Variants in KANK1 observed in about 807,000 individuals in gnomAD.
KANK1 encodes KN motif and ankyrin repeat domains 1.
KANK1 carries 109 observed loss-of-function variants against 106.2 expected under a neutral mutation model. The observed-to-expected ratio is 1.03, with a 90% CI of 0.88 to 1.20. KANK1 has a LOEUF of 1.20. Among genes scored for constraint, KANK1 ranks in the 50% most tolerant of loss-of-function variants. The pLI is 0.00. For synonymous variants in KANK1, 873 were observed against 652.2 expected (o/e 1.34, Z -5.16); for missense variants, 2,399 against 1,710.7 (o/e 1.40, Z -7.10).
intron 1 of KANK1, among the ~76,000 whole-genome samples, chr9:514,108 C>G (rs1018244503): frequency 6.2e-5 from 9 of 145,808 alleles, no homozygotes; most frequent in African/African-American, 2.4e-4. Flanking sequence ...TACTCCCTCC[C>G]TCTCTTCCTC....
chr9:691,946 C>A (rs913636403), intron 2 of KANK1, among the ~76,000 whole-genome samples: 4 of 152,052 alleles, frequency 2.6e-5, no homozygotes, highest in African/African-American at 9.7e-5. Context: ...CCTTCTTCAC[C>A]TTTGTCTAAG....
intron 7 of KANK1, among the ~76,000 whole-genome samples, chr9:737,387 C>CTT (rs1329988396): frequency 3.3e-5 from 5 of 152,170 alleles, no homozygotes; most frequent in Non-Finnish European, 5.9e-5. Context: ...CATAGGCTGT[C>CTT]TTTCTTTGAT....
chr9:723,421 G>A (rs1373645283), intron 3 of KANK1, among the ~76,000 whole-genome samples: 3 of 152,116 alleles, frequency 2.0e-5, no homozygotes, highest in Non-Finnish European at 2.9e-5. Flanking sequence ...TTACACAGGC[G>A]TATACATCTA....
At chr9:510,176 A>G (rs1399758104) in intron 1 of KANK1, among the ~76,000 whole-genome samples, 1 of 152,124 alleles carries the variant, frequency 6.6e-6, no homozygotes, top group East Asian at 1.9e-4. Context: ...TTAAATTGCA[A>G]TTCTGAAAAT....
intron 1 of KANK1, among the ~76,000 whole-genome samples, chr9:512,067 T>A (rs1346967347): frequency 6.6e-6 from 1 of 152,162 alleles, no homozygotes; most frequent in Non-Finnish European, 1.5e-5. Flanking sequence ...GGCTCAGCAA[T>A]GACTGTTGAG....
chr9:575,508 GAAAAA>G (rs36033779), intron 1 of KANK1, among the ~76,000 whole-genome samples: 322 of 128,328 alleles, frequency 2.5e-3, no homozygotes, highest in Non-Finnish European at 2.7e-3. Context: ...TCTCTACAGG[GAAAAA>G]AAAAAAAAAA....
intron 1 of KANK1, among the ~76,000 whole-genome samples, chr9:665,059 G>T (rs1844254247): frequency 6.6e-6 from 1 of 152,022 alleles, no homozygotes; most frequent in Non-Finnish European, 1.5e-5. Context: ...TATATATTCT[G>T]GTTATTTATC....
At chr9:630,180 C>T (rs1380479885) in intron 1 of KANK1, among the ~76,000 whole-genome samples, 13 of 151,850 alleles carry the variant, frequency 8.6e-5, no homozygotes, top group Admixed American at 8.5e-4. Flanking sequence ...GCTGGGAGTT[C>T]GAGGCTGCAG....
intron 1 of KANK1, among the ~76,000 whole-genome samples, chr9:521,074 T>C (rs2059526002): frequency 1.3e-5 from 2 of 151,816 alleles, no homozygotes; most frequent in African/African-American, 4.9e-5. Flanking sequence ...AAAATGAAAC[T>C]GATGAACTGT....
chr9:530,849 G>T (rs1180020708), intron 1 of KANK1, among the ~76,000 whole-genome samples: 1 of 152,072 alleles, frequency 6.6e-6, no homozygotes, highest in Non-Finnish European at 1.5e-5. Flanking sequence ...TTAGCCAGAC[G>T]TGGTGGGGCA....
intron 2 of KANK1, among the ~76,000 whole-genome samples, chr9:682,092 C>G (rs1817663614): frequency 6.6e-6 from 1 of 151,948 alleles, no homozygotes; most frequent in Non-Finnish European, 1.5e-5. Context: ...CCAGCCTGGC[C>G]AACATGGTGA....
At chr9:696,025 G>A (rs1821178699) in intron 2 of KANK1, among the ~76,000 whole-genome samples, 1 of 152,160 alleles carries the variant, frequency 6.6e-6, no homozygotes, top group Non-Finnish European at 1.5e-5. Flanking sequence ...AGGCGCGGTG[G>A]CTCATGCCTG....
At position 542,101 on chromosome 9, in the gene KANK1, T is replaced by C. The variant is rs372516496; in HGVS notation, c.-84+37347T>C. 4.3e-4 allele frequency among the ~76,000 whole-genome samples: 63 copies of C among 145,690 alleles called. No individual in the cohort carries two copies. The East Asian group carries it at 0.01, about 24-fold the overall frequency. On this transcript the variant is annotated intron_variant, in intron 1 of 11. Transcript: ENST00000382297. ...GAGACTCCGTCTCAAAAAAAAAAAATGAACAGAGGACCTTAATAGAAATTT... is the reference window on the plus strand; with the variant it reads ...GAGACTCCGTCTCAAAAAAAAAAAACGAACAGAGGACCTTAATAGAAATTT...
intron 3 of KANK1, among the ~76,000 whole-genome samples, chr9:717,887 C>T (rs1319174113): frequency 6.6e-6 from 1 of 152,102 alleles, no homozygotes; most frequent in African/African-American, 2.4e-5. Context: ...ATTTAACTGC[C>T]TGCCCCATGA....
At chr9:681,504 G>A (rs1399596012) in intron 2 of KANK1, among the ~76,000 whole-genome samples, 3 of 152,156 alleles carry the variant, frequency 2.0e-5, no homozygotes, top group Admixed American at 2.0e-4. Context: ...GCTTAGATAT[G>A]CTTTAGAAGC....
intron 2 of KANK1, among the ~76,000 whole-genome samples, chr9:695,607 G>GT (rs1564002532): frequency 6.7e-6 from 1 of 148,872 alleles, no homozygotes; most frequent in Non-Finnish European, 1.5e-5. Context: ...CCCTGACTTC[G>GT]TGGGGGGGGG....
At chr9:704,408 G>A (rs1226794864) in intron 2 of KANK1, among the ~76,000 whole-genome samples, 2 of 152,166 alleles carry the variant, frequency 1.3e-5, no homozygotes, top group South Asian at 2.1e-4. Context: ...CTGCATTCCA[G>A]GCAGCAGGAT....
At chr9:609,029 G>C (rs1043179023) in intron 1 of KANK1, among the ~76,000 whole-genome samples, 1 of 152,114 alleles carries the variant, frequency 6.6e-6, no homozygotes, top group South Asian at 2.1e-4. Context: ...TTTGGGACTT[G>C]AACTCCTGCA....
At chr9:553,390 G>A (rs1250404944) in intron 1 of KANK1, among the ~76,000 whole-genome samples, 1 of 152,046 alleles carries the variant, frequency 6.6e-6, no homozygotes, top group Non-Finnish European at 1.5e-5. Context: ...TATGATGAGG[G>A]GTATACTGTG....
Sources: gnomAD v4.1 joint callset for allele counts (sites outside exome capture counted in the v4.1 genomes callset) on GRCh38, gnomAD v4.1.1 for gene constraint, MANE v1.5 for transcripts, NCBI Gene and HGNC (gene_info 2026-07-23, HGNC 2026-07-21) for gene names.